Variants in NXPE2 observed in about 807,000 individuals in gnomAD.
The protein encoded by NXPE2 is NXPE family member 2.
In NXPE2, 34 loss-of-function variants were observed where a neutral mutation model predicts 34.4. The ratio of observed to expected loss-of-function variants is 0.99; its 90% CI spans 0.75 to 1.31. The LOEUF (loss-of-function observed/expected upper bound fraction) is 1.31. Among genes scored for constraint, NXPE2 ranks in the 40% most tolerant of loss-of-function variants. NXPE2 has a pLI of 0.00. For missense variants in NXPE2, 649 were observed against 672.5 expected, an observed-to-expected ratio of 0.97 and a Z score of 0.39; for synonymous variants, 235 against 231.3, an observed-to-expected ratio of 1.02 and a Z score of -0.15.
At chr11:114,552,086 C>CAA in the NXPE2 span, 2 of 152,158 alleles carry the variant, frequency 1.3e-5, no homozygotes, top group African/African-American at 2.4e-5. Flanking sequence ...AATTTAGATA[C>CAA]TTCACAGGCA....
At chr11:114,574,644 A>C in the NXPE2 span, among the ~76,000 whole-genome samples, 451 of 152,300 alleles carry the variant, frequency 3.0e-3, 3 homozygotes, top group African/African-American at 0.011. Context: ...AGATTAAACC[A>C]GGAAGATATA....
the NXPE2 span, among the ~76,000 whole-genome samples, chr11:114,810,920 A>G: frequency 1.3e-5 from 2 of 152,264 alleles, no homozygotes; most frequent in East Asian, 3.9e-4. Flanking sequence ...TCACAATAGC[A>G]AAGACTTGGA....
chr11:114,577,164 A>G, the NXPE2 span, among the ~76,000 whole-genome samples: 1 of 133,346 alleles, frequency 7.5e-6, no homozygotes, highest in Non-Finnish European at 1.5e-5. Context: ...TATGTGTCAT[A>G]TATATATATA....
At chr11:114,589,398 C>T in the NXPE2 span, among the ~76,000 whole-genome samples, 4 of 152,124 alleles carry the variant, frequency 2.6e-5, no homozygotes, top group Non-Finnish European at 4.4e-5. Flanking sequence ...CCTCTATAAT[C>T]GAGGCCTCCC....
At chr11:114,589,899 A>T in the NXPE2 span, among the ~76,000 whole-genome samples, 1 of 152,218 alleles carries the variant, frequency 6.6e-6, no homozygotes, top group Non-Finnish European at 1.5e-5. Context: ...CCATAGTCTC[A>T]ATCCATCTGG....
the NXPE2 span, among the ~76,000 whole-genome samples, chr11:114,639,293 G>C: frequency 6.6e-6 from 1 of 152,078 alleles, no homozygotes; most frequent in African/African-American, 2.4e-5. Flanking sequence ...ATAATCTCCT[G>C]GTGCACCGTT....
At chr11:114,601,499 G>C in the NXPE2 span, among the ~76,000 whole-genome samples, 1 of 18,948 alleles carries the variant, frequency 5.3e-5, no homozygotes, top group African/African-American at 1.6e-4. Context: ...TTATTATATA[G>C]TATATAAATT....
the NXPE2 span, among the ~76,000 whole-genome samples, chr11:114,545,983 CT>C: frequency 2.0e-5 from 3 of 152,128 alleles, no homozygotes; most frequent in Admixed American, 6.5e-5. Context: ...GCCACTGCCC[CT>C]GGCTGAGTGA....
chr11:114,715,979 G>C, the NXPE2 span, among the ~76,000 whole-genome samples: 1 of 152,172 alleles, frequency 6.6e-6, no homozygotes. Context: ...CCAGGAATCT[G>C]TATGTTTAGT....
At chr11:114,632,138 T>A in the NXPE2 span, among the ~76,000 whole-genome samples, 1 of 143,782 alleles carries the variant, frequency 7.0e-6, no homozygotes, top group Non-Finnish European at 1.5e-5. Flanking sequence ...AAATATATTA[T>A]AATTTATTAT....
the NXPE2 span, among the ~76,000 whole-genome samples, chr11:114,639,883 T>TATAATAA: frequency 1.0e-5 from 1 of 97,802 alleles, no homozygotes; most frequent in Non-Finnish European, 1.8e-5. Flanking sequence ...AAATATAAAA[T>TATAATAA]ATGTTATATA....
chr11:114,589,435 GGT>G, the NXPE2 span, among the ~76,000 whole-genome samples: 2 of 152,012 alleles, frequency 1.3e-5, no homozygotes, highest in Non-Finnish European at 2.9e-5. Context: ...AGGGGTGTGG[GGT>G]GTCTCATAAA....
chr11:114,521,926 T>A, the NXPE2 span: 6 of 1,385,330 alleles, frequency 4.3e-6, no homozygotes, highest in East Asian at 1.4e-4. Flanking sequence ...TGGGATTATG[T>A]GCAGAGATTG....
At chr11:114,700,837 T>C (rs1488877475) in intron 3 of NXPE2, among the ~76,000 whole-genome samples, 1 of 152,122 alleles carries the variant, frequency 6.6e-6, no homozygotes, top group Non-Finnish European at 1.5e-5. Flanking sequence ...ATTTTATGGA[T>C]CATTTAAAGA....
At chr11:114,799,311 A>AAAAAAAAAAAAAAG in the NXPE2 span, among the ~76,000 whole-genome samples, 1 of 133,022 alleles carries the variant, frequency 7.5e-6, no homozygotes, top group Non-Finnish European at 1.6e-5. Context: ...AAAAAAAAAA[A>AAAAAAAAAAAAAAG]AAAATTGGTG....
intron 2 of NXPE2, among the ~76,000 whole-genome samples, chr11:114,689,072 T>C (rs1450349866): frequency 1.3e-5 from 2 of 152,068 alleles, no homozygotes; most frequent in Non-Finnish European, 2.9e-5. Flanking sequence ...GTATTTTTTA[T>C]GGGGTCTGAA....
At chr11:114,471,354 T>A in the NXPE2 span, among the ~76,000 whole-genome samples, 1 of 152,184 alleles carries the variant, frequency 6.6e-6, no homozygotes, top group African/African-American at 2.4e-5. Flanking sequence ...TATGGGTATT[T>A]AGTTCTTCCA....
the NXPE2 span, among the ~76,000 whole-genome samples, chr11:114,626,769 G>C: frequency 1.3e-5 from 2 of 152,006 alleles, no homozygotes; most frequent in African/African-American, 4.8e-5. Context: ...TGAAAACTTT[G>C]AAAAAAATTT....
chr11:114,601,300 G>A, the NXPE2 span, among the ~76,000 whole-genome samples: 1,242 of 149,366 alleles, frequency 8.3e-3, 17 homozygotes, highest in African/African-American at 0.028. Context: ...ATGATTTTGG[G>A]TACTCATAGC....
Sources: gnomAD v4.1 joint callset for allele counts (sites outside exome capture counted in the v4.1 genomes callset) on GRCh38, gnomAD v4.1.1 for gene constraint, MANE v1.5 for transcripts, NCBI Gene and HGNC (gene_info 2026-07-23, HGNC 2026-07-21) for gene names.